CHCHD3: variants seen among roughly 807,000 people sequenced by gnomAD.
CHCHD3 encodes MICOS complex subunit MIC19.
A neutral mutation model predicts 38.2 loss-of-function variants in CHCHD3; 20 were observed. The observed-to-expected ratio is 0.52, with a 90% CI of 0.37 to 0.76. CHCHD3 has a LOEUF of 0.76. Ranked by LOEUF, CHCHD3 falls within the 30% of genes least tolerant of loss-of-function variation. The pLI is 0.00. For missense variants in CHCHD3, 245 were observed against 279.2 expected (o/e 0.88, Z 0.87); for synonymous variants, 82 against 100.0 (o/e 0.82, Z 1.07).
intron 4 of CHCHD3, among the ~76,000 whole-genome samples, chr7:132,937,825 G>GT: frequency 6.6e-6 from 1 of 152,130 alleles, no homozygotes; most frequent in Non-Finnish European, 1.5e-5. Context: ...GTGAAACTTT[G>GT]TTACTGATTA....
chr7:132,866,208 C>T (rs556106998), intron 5 of CHCHD3, among the ~76,000 whole-genome samples: 1 of 152,316 alleles, frequency 6.6e-6, no homozygotes, highest in South Asian at 2.1e-4. Context: ...CTGGCTAATG[C>T]AATCCCATTC....
intron 4 of CHCHD3, among the ~76,000 whole-genome samples, chr7:132,946,968 T>A (rs1423316873): frequency 1.3e-5 from 2 of 151,994 alleles, no homozygotes; most frequent in Non-Finnish European, 2.9e-5. Flanking sequence ...CCAGAAAATG[T>A]ACACAAACCA....
chr7:132,901,560 G>A (rs1361606819), intron 4 of CHCHD3, among the ~76,000 whole-genome samples: 1 of 152,202 alleles, frequency 6.6e-6, no homozygotes, highest in Non-Finnish European at 1.5e-5. Context: ...CTTCTCTGAT[G>A]GCCAGTGATG....
intron 6 of CHCHD3, among the ~76,000 whole-genome samples, chr7:132,803,933 A>T (rs1020941577): frequency 1.3e-5 from 2 of 151,394 alleles, no homozygotes; most frequent in African/African-American, 4.8e-5. Flanking sequence ...AAGGCTGGGA[A>T]CTAAAGCAAA....
intron 7 of CHCHD3, among the ~76,000 whole-genome samples, chr7:132,795,553 T>A (rs1806587154): frequency 6.6e-6 from 1 of 152,186 alleles, no homozygotes; most frequent in African/African-American, 2.4e-5. Context: ...CCGTCGGATA[T>A]TTGTAGAGTA....
intron 3 of CHCHD3, among the ~76,000 whole-genome samples, chr7:133,015,322 G>A (rs1023221775): frequency 2.7e-5 from 4 of 149,104 alleles, no homozygotes; most frequent in African/African-American, 7.4e-5. Context: ...CAACCTGGGC[G>A]ACAGAGCCAG....
At position 132,973,788 on chromosome 7, in the gene CHCHD3, T is replaced by G. The variant is rs555782224; in HGVS notation, c.369+1381A>C. The G allele has an allele frequency of 1.8e-5, 20 of 1,088,744 alleles. No individual in the cohort carries two copies. The African/African-American group carries it at 3.2e-4, about 17-fold the overall frequency. The allele number at this position is 1,088,744 out of a possible 1,614,324, so 67.4% of individuals were successfully genotyped here. On this transcript the variant is annotated intron_variant, in intron 4 of 7. Transcript: ENST00000262570. ...GAATGGGAGAGACTAGAAATGAGCCTTCTTCTTAGAAAGTTTTAGTGTTTC... is the reference window on the plus strand; with the variant it reads ...GAATGGGAGAGACTAGAAATGAGCCGTCTTCTTAGAAAGTTTTAGTGTTTC...
chr7:133,051,840 AT>A (rs1814176473), intron 2 of CHCHD3: 1 of 152,216 alleles, frequency 6.6e-6, no homozygotes, highest in Non-Finnish European at 1.5e-5. Context: ...TCCAAGTATA[AT>A]CGCAGTGTTA....
At chr7:132,862,249 A>G (rs1808514552) in intron 5 of CHCHD3, among the ~76,000 whole-genome samples, 1 of 152,128 alleles carries the variant, frequency 6.6e-6, no homozygotes, top group South Asian at 2.1e-4. Flanking sequence ...GGGAGGAAAT[A>G]CTTTTATTTT....
chr7:132,879,416 C>T (rs770786225), intron 5 of CHCHD3, among the ~76,000 whole-genome samples: 2 of 152,176 alleles, frequency 1.3e-5, no homozygotes, highest in South Asian at 4.2e-4. Context: ...CTTAGGAAAG[C>T]CAAGAGCAAA....
At position 132,985,116 on chromosome 7, in the gene CHCHD3, G is replaced by A. The variant is rs1812063357; in HGVS notation, c.252-9830C>T. 2.2e-5 allele frequency among the ~76,000 whole-genome samples: 2 copies of A among 92,770 alleles called. 1 individual carries two copies. Among genetic ancestry groups the A allele is most frequent in the Non-Finnish European group, 4.6e-5 (2 of 43,410 alleles). 60.9% of individuals were successfully genotyped at this position (92,770 alleles called of 152,430 possible). On this transcript the variant is annotated intron_variant, in intron 3 of 7. Transcript: ENST00000262570. The stretch of plus-strand genomic sequence containing the variant: ...TCCGGCCAGCCGCCCCATCCGGGAG[G>A]TGAGGGGCGCCTCTGCCCGGCCGCC...
Position 132,912,840 on chromosome 7 carries a change from C to G in CHCHD3, c.370-27095G>C, listed in dbSNP as rs541580737. Among the ~76,000 whole-genome samples the G allele has an allele frequency of 6.3e-4, 96 of 152,362 alleles. 1 individual carries two copies. In the South Asian group the frequency reaches 0.019, roughly 30 times the overall value. On this transcript the variant is annotated intron_variant, in intron 4 of 7. Coordinates refer to ENST00000262570, the MANE Select transcript of CHCHD3 (RefSeq NM_017812.4). Reference sequence around the variant, plus strand: ...AAAGTGCTGGGATTACAGGCATGAGCCACTGCGCCCGGCCAAAGATGGGAC... The same window carrying G: ...AAAGTGCTGGGATTACAGGCATGAGGCACTGCGCCCGGCCAAAGATGGGAC...
chr7:132,891,316 C>T (rs1809354081), intron 4 of CHCHD3, among the ~76,000 whole-genome samples: 1 of 152,120 alleles, frequency 6.6e-6, no homozygotes, highest in Non-Finnish European at 1.5e-5. Context: ...AAATGATGTC[C>T]AACCTATTAT....
intron 3 of CHCHD3, among the ~76,000 whole-genome samples, chr7:133,005,637 T>C (rs1448160302): frequency 1.3e-5 from 2 of 152,188 alleles, no homozygotes; most frequent in African/African-American, 2.4e-5. Flanking sequence ...TTTTTGTATG[T>C]AACAAGCAAA....
intron 7 of CHCHD3, 138 bp downstream of exon 7, chr7:132,796,304 A>C: frequency 1.1e-6 from 1 of 873,282 alleles, no homozygotes; most frequent in South Asian, 1.8e-5. Flanking sequence ...TCAACTCATT[A>C]CAGTAATTCT....
At chr7:132,951,369 T>C (rs913100950) in intron 4 of CHCHD3, among the ~76,000 whole-genome samples, 7 of 152,146 alleles carry the variant, frequency 4.6e-5, no homozygotes, top group African/African-American at 1.7e-4. Flanking sequence ...AAAGAAGCAA[T>C]AGAAACACAT....
chr7:132,959,679 T>C (rs1289244793), intron 4 of CHCHD3, among the ~76,000 whole-genome samples: 12 of 141,012 alleles, frequency 8.5e-5, no homozygotes, highest in South Asian at 2.2e-4. Flanking sequence ...GCCGAGATCG[T>C]GCCACTGTAC....
rs1814976008 is a variant in CHCHD3, at chr7:133,075,917, G to C, written c.82-5688C>G. On this transcript the variant is annotated intron_variant, in intron 1 of 7. Coordinates refer to ENST00000262570, the MANE Select transcript of CHCHD3 (RefSeq NM_017812.4). ...TACTAAAAATATAAAAAATTAGCCAGGTATGGTGGTGGGTGCCTGTAGTCC... is the reference window on the plus strand; with the variant it reads ...TACTAAAAATATAAAAAATTAGCCACGTATGGTGGTGGGTGCCTGTAGTCC... Among the ~76,000 whole-genome samples the C allele has an allele frequency of 3.9e-5, 6 of 152,104 alleles. No individual in the cohort carries two copies. The South Asian group carries it at 1.2e-3, about 32-fold the overall frequency.
At chr7:132,854,343 T>TC (rs1250070693) in intron 5 of CHCHD3, among the ~76,000 whole-genome samples, 11 of 152,108 alleles carry the variant, frequency 7.2e-5, no homozygotes, top group African/African-American at 2.7e-4. Context: ...GTTTGTTTTT[T>TC]CCCCCTTTCC....
Sources: allele counts gnomAD v4.1 joint callset (sites outside exome capture counted in the v4.1 genomes callset), GRCh38; gene constraint gnomAD v4.1.1; transcripts MANE v1.5; gene names NCBI Gene and HGNC (gene_info 2026-07-23, HGNC 2026-07-21).